Variants in PRRG4 observed in about 807,000 individuals in gnomAD.
PRRG4 encodes the protein proline rich and Gla domain 4, also known as transmembrane gamma-carboxyglutamic acid protein 4.
In PRRG4, 12 loss-of-function variants were observed where a neutral mutation model predicts 20.0. The ratio of observed to expected loss-of-function variants is 0.60; its 90% confidence interval spans 0.38 to 0.97. The LOEUF (loss-of-function observed/expected upper bound fraction) is 0.97, where lower values mean the gene tolerates loss of function less well. Ranked by LOEUF, PRRG4 falls within the 50% of genes least tolerant of loss-of-function variation. PRRG4 has a pLI of 0.00. For missense variants in PRRG4, 199 were observed against 265.1 expected (o/e 0.75, Z 1.73); for synonymous variants, 94 against 96.4 (o/e 0.98, Z 0.15).
In PRRG4 at chr11:32,829,994, G is replaced by A; in HGVS notation, c.-202G>A. ...GCGCGTGTTCCCCGGGCGCCCCTCT[G>A]CGAACCCCAGGCCCTTCCCAGGTTT... On this transcript the variant is annotated 5_prime_UTR_variant, in exon 1 of 6. Transcript: ENST00000257836. 2.0e-6 allele frequency: 2 copies of A among 984,184 alleles called. No individual in the cohort carries two copies. Among genetic ancestry groups the A allele is most frequent in the Non-Finnish European group, 2.4e-6 (2 of 828,988 alleles). The allele number at this position is 984,184 out of a possible 1,614,324, so 61.0% of individuals were successfully genotyped here.
At chr11:32,833,724 G>A (rs781549504) in intron 2 of PRRG4, among the ~76,000 whole-genome samples, 6 of 152,170 alleles carry the variant, frequency 3.9e-5, no homozygotes, top group Admixed American at 1.3e-4. Flanking sequence ...TGTTCATTCA[G>A]TCAGTAATTT....
intron 5 of PRRG4, among the ~76,000 whole-genome samples, chr11:32,849,492 G>T (rs12787584): frequency 6.6e-6 from 1 of 151,706 alleles, no homozygotes; most frequent in African/African-American, 2.4e-5. Context: ...GTGAAACCCC[G>T]TCTCTACTAA....
At position 32,855,893 on chromosome 11, in the gene PRRG4, C is replaced by T. The variant is rs946792442; in HGVS notation, c.*2366C>T. On this transcript the variant is annotated 3_prime_UTR_variant, in exon 6 of 6. Transcript: ENST00000257836. Reference sequence around the variant, plus strand: ...ACTAAGGCATGGAAGAACAACTTGCCCAGAATCTAGCAGGTTGGTGACAAC... The same window carrying T: ...ACTAAGGCATGGAAGAACAACTTGCTCAGAATCTAGCAGGTTGGTGACAAC... 4 of 152,086 alleles carry T rather than the reference C, an allele frequency of 2.6e-5. No homozygotes were observed. The highest frequency in any genetic ancestry group is 9.7e-5 in the African/African-American group (4 of 41,418). 9.4% of individuals were successfully genotyped at this position (152,086 alleles called of 1,614,324 possible).
Position 32,857,627 on chromosome 11 carries a change from C to G in PRRG4, c.*4100C>G. 1 of 152,274 alleles carries G rather than the reference C, an allele frequency of 6.6e-6. No homozygotes were observed. The highest frequency in any genetic ancestry group is 2.1e-4 in the South Asian group (1 of 4,828). 9.4% of individuals were successfully genotyped at this position (152,274 alleles called of 1,614,324 possible). A position where few individuals can be genotyped will look rare whatever the true frequency, so the allele number is the denominator to read the frequency against. On this transcript the variant is annotated 3_prime_UTR_variant, in exon 6 of 6. Transcript: ENST00000257836. ...TTTATGTGTGTGTACTCTTCCTAGA[C>G]GTACAAGAGACTTTTTAATGCTAAA...
At chr11:32,837,522 TGATGATGATG>T (rs1565113750) in intron 3 of PRRG4, among the ~76,000 whole-genome samples, 294 of 108,594 alleles carry the variant, frequency 2.7e-3, no homozygotes, top group African/African-American at 0.01. Flanking sequence ...ATGATGATGA[TGATGATGATG>T]ATGATGATGA....
intron 5 of PRRG4, among the ~76,000 whole-genome samples, chr11:32,841,840 A>G (rs1010727505): frequency 4.6e-5 from 7 of 152,142 alleles, no homozygotes; most frequent in African/African-American, 1.4e-4. Flanking sequence ...GGATATAGCT[A>G]CATGTTAGAT....
chr11:32,847,004 A>AG (rs911495135), intron 5 of PRRG4, among the ~76,000 whole-genome samples: 1 of 151,562 alleles, frequency 6.6e-6, no homozygotes, highest in Non-Finnish European at 1.5e-5. Context: ...CTCAAAAAAA[A>AG]AAATAAAGAA....
At chr11:32,839,759 ATAT>A (rs1177082894) in intron 4 of PRRG4, among the ~76,000 whole-genome samples, 2 of 146,426 alleles carry the variant, frequency 1.4e-5, no homozygotes, top group East Asian at 2.0e-4. Flanking sequence ...TATATTTTGA[ATAT>A]TATTAAAATA....
At chr11:32,835,762 A>G (rs1347669430) in intron 2 of PRRG4, among the ~76,000 whole-genome samples, 2 of 152,206 alleles carry the variant, frequency 1.3e-5, no homozygotes, top group Non-Finnish European at 2.9e-5. Flanking sequence ...TATAAGTTTT[A>G]GCATAAACTT....
chr11:32,850,886 A>G (rs1851176844), intron 5 of PRRG4, among the ~76,000 whole-genome samples: 1 of 152,170 alleles, frequency 6.6e-6, no homozygotes, highest in Admixed American at 6.5e-5. Context: ...CCTGGCCAAC[A>G]TGGTGAAAAC....
In PRRG4 at chr11:32,853,538, AT is replaced by A; in HGVS notation, c.*15del. The A allele has an allele frequency of 6.3e-7, 1 of 1,599,228 alleles. No homozygotes were observed. The highest frequency in any genetic ancestry group is 8.6e-7 in the Non-Finnish European group (1 of 1,168,928). ...CTCCCATCTCACTGACTACCTTGTC[AT>A]TTTGGTATAAGAAATTTGTGTTATT... is the stretch of plus-strand genomic sequence containing the variant. On this transcript the variant is annotated 3_prime_UTR_variant, in exon 6 of 6. Coordinates refer to ENST00000257836, the MANE Select transcript of PRRG4 (RefSeq NM_024081.6).
At position 32,832,199 on chromosome 11, in the gene PRRG4, G is replaced by A. The variant is rs116239092; in HGVS notation, c.103+1567G>A. ...GAACACATGCTAAGTGCCAGGCCCC[G>A]TGCTGTGTGGTGGAGACATAGAAAT... On this transcript the variant is annotated intron_variant, in intron 2 of 5. Transcript: ENST00000257836. Among the ~76,000 whole-genome samples the A allele has an allele frequency of 8.2e-3, 1,250 of 152,238 alleles. 20 individuals carry two copies. The highest frequency in any genetic ancestry group is 0.029 in the African/African-American group (1,208 of 41,538).
intron 2 of PRRG4, among the ~76,000 whole-genome samples, chr11:32,835,375 G>T (rs973603518): frequency 6.6e-6 from 1 of 152,216 alleles, no homozygotes; most frequent in Non-Finnish European, 1.5e-5. Context: ...GAAATGGTGA[G>T]CAGTGAAAAG....
At chr11:32,839,256 T>C (rs1041596436) in intron 4 of PRRG4, among the ~76,000 whole-genome samples, 9 of 152,212 alleles carry the variant, frequency 5.9e-5, no homozygotes, top group Non-Finnish European at 1.3e-4. Context: ...ACTTTTTTTC[T>C]TTTTTACCAT....
chr11:32,830,337 T>C (rs781606537), intron 1 of PRRG4, among the ~76,000 whole-genome samples, 164 bp downstream of exon 1: 8 of 152,140 alleles, frequency 5.3e-5, no homozygotes, highest in Non-Finnish European at 1.2e-4. Context: ...TCCCAGGCGC[T>C]CTCAGGGGCT....
At chr11:32,835,727 T>G (rs1050302475) in intron 2 of PRRG4, among the ~76,000 whole-genome samples, 1 of 152,232 alleles carries the variant, frequency 6.6e-6, no homozygotes, top group Non-Finnish European at 1.5e-5. Context: ...GCTTATAGTT[T>G]TATTAATTTA....
chr11:32,833,318 T>C (rs997134441), intron 2 of PRRG4, among the ~76,000 whole-genome samples: 1 of 152,164 alleles, frequency 6.6e-6, no homozygotes, highest in Non-Finnish European at 1.5e-5. Context: ...GGCATAAATA[T>C]TATTTCAGGA....
In PRRG4 at chr11:32,840,158, C is replaced by T. The variant is rs1173015489; in HGVS notation, c.368C>T (p.Ala123Val). Residue 123 changes from alanine to valine, a missense_variant, in exon 5 of 6, where the codon GCT (alanine) becomes GTT (valine). Transcript: ENST00000257836. The surrounding 1 kb of genome is among the most constrained non-coding windows in gnomAD (Gnocchi z 4.1). ...ATGGGCCTTCTGACTGGATTAATTG[C>T]TGCTGGAGTATTTTTGGTTATTTTT... ...DVMGLLTGLIAAGVFLVIFGL... is the reference protein window; with the variant it reads ...DVMGLLTGLIVAGVFLVIFGL... 6.2e-7 allele frequency: 1 copy of T among 1,607,678 alleles called. No individual in the cohort carries two copies. Among genetic ancestry groups the T allele is most frequent in the Admixed American group, 1.7e-5 (1 of 59,934 alleles).
At chr11:32,830,201 C>G (rs747534990) in intron 1 of PRRG4, 28 bp downstream of exon 1, 11 of 1,068,656 alleles carry the variant, frequency 1.0e-5, no homozygotes, top group Non-Finnish European at 1.2e-5. Flanking sequence ...AGGACCTCGG[C>G]GGGGAGGGGG....
Sources: gnomAD v4.1 joint callset for allele counts (sites outside exome capture counted in the v4.1 genomes callset) on GRCh38, gnomAD v4.1.1 for gene constraint, Gnocchi (gnomAD v3.1) non-coding constraint, MANE v1.5 for transcripts, NCBI Gene and HGNC (gene_info 2026-07-23, HGNC 2026-07-21) for gene names.